The following SYNPR variants were observed in gnomAD, a reference collection of about 807,000 sequenced individuals.
SYNPR encodes the protein synaptoporin.
Under a neutral mutation model 32.9 loss-of-function variants are expected in SYNPR, and 23 were observed. That is an observed-to-expected ratio of 0.70 (90% confidence interval 0.50 to 0.99). The LOEUF (loss-of-function observed/expected upper bound fraction) is 0.99. Ranked by LOEUF, SYNPR falls within the 50% of genes least tolerant of loss-of-function variation. SYNPR has a pLI of 0.00. For missense variants in SYNPR, 318 were observed against 349.3 expected, an observed-to-expected ratio of 0.91 and a Z score of 0.71; for synonymous variants, 146 against 135.9, an observed-to-expected ratio of 1.07 and a Z score of -0.52.
chr3:63,376,732 A>G (rs1419937187), intron 2 of SYNPR, among the ~76,000 whole-genome samples: 1 of 152,148 alleles, frequency 6.6e-6, no homozygotes, highest in Non-Finnish European at 1.5e-5. Context: ...TTATTAGAGT[A>G]ATTATTATTG....
chr3:63,419,581 A>AT (rs2088581775), intron 2 of SYNPR, among the ~76,000 whole-genome samples: 2 of 152,134 alleles, frequency 1.3e-5, no homozygotes, highest in African/African-American at 4.8e-5. Flanking sequence ...AGGTAAGAAG[A>AT]TTTTATATAA....
At chr3:63,614,369 C>T (rs1321105105) in intron 5 of SYNPR, among the ~76,000 whole-genome samples, 1 of 152,194 alleles carries the variant, frequency 6.6e-6, no homozygotes, top group Non-Finnish European at 1.5e-5. Flanking sequence ...AATAGCAAAC[C>T]GTTCTGCTTC....
intron 2 of SYNPR, among the ~76,000 whole-genome samples, chr3:63,440,365 G>C (rs1700149137): frequency 6.6e-6 from 1 of 152,112 alleles, no homozygotes; most frequent in African/African-American, 2.4e-5. Context: ...CATGGGAAAG[G>C]GTTTGGGTTT....
chr3:63,455,787 G>GTGTGTGT (rs1559504354), intron 2 of SYNPR, among the ~76,000 whole-genome samples: 2 of 151,334 alleles, frequency 1.3e-5, no homozygotes, highest in African/African-American at 2.4e-5. Flanking sequence ...GTGTGTGTGT[G>GTGTGTGT]GATCTTCAGA....
chr3:63,246,356 A>G (rs568265473), intron 1 of SYNPR, among the ~76,000 whole-genome samples: 244 of 152,150 alleles, frequency 1.6e-3, no homozygotes, highest in Non-Finnish European at 2.7e-3. Flanking sequence ...TGATCCATTT[A>G]TTTACTCATT....
At chr3:63,323,473 T>G (rs1287637327) in intron 2 of SYNPR, among the ~76,000 whole-genome samples, 1 of 152,100 alleles carries the variant, frequency 6.6e-6, no homozygotes, top group Non-Finnish European at 1.5e-5. Context: ...CATTACTTAG[T>G]TGATAAGATA....
intron 1 of SYNPR, among the ~76,000 whole-genome samples, chr3:63,246,918 T>C (rs192130700): frequency 4.3e-4 from 66 of 152,150 alleles, no homozygotes; most frequent in African/African-American, 1.6e-3. Context: ...CCCAGCATTA[T>C]CGTAAACATT....
rs566653313 is a variant in SYNPR, at chr3:63,583,004, A to C, written c.409-26121A>C. ...CTTGGGTGCATGTGGGCTGAGTCCA[A>C]AAAGAAGTCAGCGAGGGGAGACAGG... On this transcript the variant is annotated intron_variant, in intron 4 of 5. Coordinates refer to ENST00000478300, the MANE Select transcript of SYNPR (RefSeq NM_001130003.2). Among the ~76,000 whole-genome samples the C allele has an allele frequency of 6.6e-3, 688 of 104,456 alleles. 12 individuals carry two copies. Among genetic ancestry groups the C allele is most frequent in the African/African-American group, 0.029 (655 of 22,238 alleles). 68.5% of individuals were successfully genotyped at this position (104,456 alleles called of 152,430 possible). A position where few individuals can be genotyped will look rare whatever the true frequency, so the allele number is the denominator to read the frequency against.
At chr3:63,206,375 G>A in the SYNPR span, among the ~76,000 whole-genome samples, 5 of 152,104 alleles carry the variant, frequency 3.3e-5, no homozygotes, top group African/African-American at 9.7e-5. Context: ...CACTTTGGGA[G>A]GCCGAAGTGG....
the SYNPR span, among the ~76,000 whole-genome samples, chr3:63,205,918 T>C: frequency 2.0e-5 from 3 of 152,288 alleles, no homozygotes; most frequent in Non-Finnish European, 4.4e-5. Context: ...GCGGTGAAAA[T>C]CTACTGAAGA....
chr3:63,552,180 G>A (rs1446785224), intron 3 of SYNPR, among the ~76,000 whole-genome samples: 3 of 152,084 alleles, frequency 2.0e-5, no homozygotes, highest in African/African-American at 2.4e-5. Flanking sequence ...TTACAGGCAT[G>A]AGCCACCGCA....
intron 3 of SYNPR, among the ~76,000 whole-genome samples, chr3:63,531,117 C>T (rs1375281114): frequency 6.6e-6 from 1 of 152,074 alleles, no homozygotes; most frequent in East Asian, 1.9e-4. Context: ...AGGAGGCAGG[C>T]ACATAGTGGA....
chr3:63,219,509 G>C, the SYNPR span, among the ~76,000 whole-genome samples: 2 of 152,254 alleles, frequency 1.3e-5, no homozygotes, highest in Middle Eastern at 6.8e-3. Context: ...GGAGTTAGGA[G>C]TGCTAACCTC....
At chr3:63,405,116 C>T (rs1243750113) in intron 2 of SYNPR, among the ~76,000 whole-genome samples, 2 of 152,096 alleles carry the variant, frequency 1.3e-5, no homozygotes, top group Non-Finnish European at 2.9e-5. Flanking sequence ...TTACTGGCTC[C>T]CTGCCTCCAG....
intron 2 of SYNPR, among the ~76,000 whole-genome samples, chr3:63,347,515 G>A (rs770374286): frequency 1.3e-5 from 2 of 152,116 alleles, no homozygotes; most frequent in Non-Finnish European, 2.9e-5. Context: ...AGGTATACAA[G>A]TACAGTTTTG....
intron 2 of SYNPR, among the ~76,000 whole-genome samples, chr3:63,316,164 A>G (rs1314448249): frequency 6.6e-6 from 1 of 151,706 alleles, no homozygotes; most frequent in Non-Finnish European, 1.5e-5. Flanking sequence ...AGGAGCATCA[A>G]TGTTCATCAA....
intron 2 of SYNPR, among the ~76,000 whole-genome samples, chr3:63,304,138 T>G (rs1391775096): frequency 6.6e-6 from 1 of 151,990 alleles, no homozygotes; most frequent in Non-Finnish European, 1.5e-5. Flanking sequence ...AATGGCAAAA[T>G]TTTTTGAAAA....
At chr3:63,520,922 G>A (rs539701058) in intron 3 of SYNPR, among the ~76,000 whole-genome samples, 2 of 38,376 alleles carry the variant, frequency 5.2e-5, no homozygotes, top group Admixed American at 3.1e-4. Flanking sequence ...TGCCTCTTTG[G>A]GGCCCCGTTT....
chr3:63,395,934 C>A (rs2088207093), intron 2 of SYNPR, among the ~76,000 whole-genome samples: 1 of 151,872 alleles, frequency 6.6e-6, no homozygotes, highest in African/African-American at 2.4e-5. Context: ...CCTCAAATTC[C>A]TCATTTCTTT....
Sources: gnomAD v4.1 joint callset for allele counts (sites outside exome capture counted in the v4.1 genomes callset) on GRCh38, gnomAD v4.1.1 for gene constraint, MANE v1.5 for transcripts, NCBI Gene and HGNC (gene_info 2026-07-23, HGNC 2026-07-21) for gene names.